KCNIP4: variants seen among roughly 807,000 people sequenced by gnomAD.
KCNIP4 encodes the protein potassium voltage-gated channel interacting protein 4.
A neutral mutation model predicts 34.0 loss-of-function variants in KCNIP4; 12 were observed. The observed-to-expected ratio is 0.35, with a 90% confidence interval of 0.23 to 0.57. The LOEUF (loss-of-function observed/expected upper bound fraction) is 0.57. Ranked by LOEUF, KCNIP4 falls within the 20% of genes least tolerant of loss-of-function variation. The probability of loss-of-function intolerance (pLI) is 0.83; values close to 1 mark genes in which losing one functional copy is unlikely to be tolerated. For missense variants in KCNIP4, 238 were observed against 311.7 expected (o/e 0.76, Z 1.78); for synonymous variants, 124 against 102.2 (o/e 1.21, Z -1.29).
rs560506739 is a variant in KCNIP4, at chr4:21,650,914, G to C, written c.61+297657C>G. Among the ~76,000 whole-genome samples the C allele has an allele frequency of 9.9e-5, 15 of 152,170 alleles. No homozygotes were observed. The East Asian group carries it at 2.9e-3, about 29-fold the overall frequency. Reference sequence around the variant, plus strand: ...CTATTCTTTGCTGGTTGTCAGCATGGGGCCACTCAGCTCCTTGAGGCCACC... The same window carrying C: ...CTATTCTTTGCTGGTTGTCAGCATGCGGCCACTCAGCTCCTTGAGGCCACC... On this transcript the variant is annotated intron_variant, in intron 1 of 8. Transcript: ENST00000382152.
At chr4:21,311,805 G>A (rs2109275369) in intron 1 of KCNIP4, among the ~76,000 whole-genome samples, 1 of 152,190 alleles carries the variant, frequency 6.6e-6, no homozygotes, top group East Asian at 1.9e-4. Context: ...GATGCAGTGA[G>A]GTGTTGGCAT....
At chr4:21,427,892 T>C (rs1216430459) in intron 1 of KCNIP4, among the ~76,000 whole-genome samples, 1 of 152,184 alleles carries the variant, frequency 6.6e-6, no homozygotes, top group Non-Finnish European at 1.5e-5. Context: ...AATAAAGGCA[T>C]ACCAGCTATA....
chr4:20,929,586 A>C (rs974138753), intron 1 of KCNIP4, among the ~76,000 whole-genome samples: 3 of 151,898 alleles, frequency 2.0e-5, no homozygotes, highest in African/African-American at 7.2e-5. Context: ...AGAAAGAAGA[A>C]AAAGTAAAAT....
chr4:20,798,548 A>ACAC lies in KCNIP4; in HGVS notation c.289-39659_289-39658insGTG, dbSNP rs35228196. Among the ~76,000 whole-genome samples, 241 of 151,130 alleles carry ACAC rather than the reference A, an allele frequency of 1.6e-3. No homozygotes were observed. In the East Asian group the frequency reaches 0.022, roughly 14 times the overall value. ...ATACACACACACACACAGACACACA[A>ACAC]AAAAGCTATGAATAATCAAGTACTT... is the stretch of plus-strand genomic sequence containing the variant. On this transcript the variant is annotated intron_variant, in intron 3 of 8. Transcript: ENST00000382152.
chr4:20,848,921 T>C (rs543011088), intron 3 of KCNIP4, among the ~76,000 whole-genome samples: 41 of 152,296 alleles, frequency 2.7e-4, no homozygotes, highest in African/African-American at 9.9e-4. Context: ...AGCACTGACT[T>C]TTGGCCCAGA....
chr4:20,774,366 C>T (rs1026408195), intron 3 of KCNIP4, among the ~76,000 whole-genome samples: 1 of 152,072 alleles, frequency 6.6e-6, no homozygotes, highest in African/African-American at 2.4e-5. Context: ...TAGAATCTAA[C>T]AGCCCCTTCC....
In KCNIP4 at chr4:21,588,531, G is replaced by A. The variant is rs75578936; in HGVS notation, c.61+360040C>T. On this transcript the variant is annotated intron_variant, in intron 1 of 8. Coordinates refer to ENST00000382152, the MANE Select transcript of KCNIP4 (RefSeq NM_025221.6). ...AGGATTGTAACCCTAAGTGTCCCAC[G>A]CCCTACATCAGGAAATGAATTACCT... 1.4e-3 allele frequency among the ~76,000 whole-genome samples: 208 copies of A among 151,982 alleles called. 3 individuals are homozygous for A. The East Asian group carries it at 0.035, about 26-fold the overall frequency.
chr4:21,679,964 G>A (rs1244849630), intron 1 of KCNIP4, among the ~76,000 whole-genome samples: 2 of 152,202 alleles, frequency 1.3e-5, no homozygotes, highest in Admixed American at 1.3e-4. Context: ...GACTGATCAG[G>A]ACGGTGGCTG....
At chr4:21,510,078 CAAAAAAAAAAAAA>C (rs759477091) in intron 1 of KCNIP4, among the ~76,000 whole-genome samples, 1 of 65,222 alleles carries the variant, frequency 1.5e-5, no homozygotes, top group African/African-American at 6.1e-5. Flanking sequence ...ACTCCATCTC[CAAAAAAAAAAAAA>C]AAAAAAAAAG....
At chr4:21,940,986 G>C (rs191838792) in intron 1 of KCNIP4, among the ~76,000 whole-genome samples, 63 of 152,150 alleles carry the variant, frequency 4.1e-4, no homozygotes, top group Admixed American at 1.8e-3. Context: ...TTCATGGAGT[G>C]AATTACCATA....
At chr4:21,745,784 CAAAT>C (rs1195479993) in intron 1 of KCNIP4, among the ~76,000 whole-genome samples, 8 of 152,100 alleles carry the variant, frequency 5.3e-5, no homozygotes, top group South Asian at 2.1e-4. Flanking sequence ...ATTCAAAAGA[CAAAT>C]AACCACTTTG....
At chr4:21,664,778 T>C (rs1317692798) in intron 1 of KCNIP4, among the ~76,000 whole-genome samples, 2 of 152,186 alleles carry the variant, frequency 1.3e-5, no homozygotes, top group Non-Finnish European at 2.9e-5. Context: ...ATTTTTTAAA[T>C]GCCTATGGAC....
At chr4:21,766,358 A>T (rs1197006204) in intron 1 of KCNIP4, among the ~76,000 whole-genome samples, 1 of 152,138 alleles carries the variant, frequency 6.6e-6, no homozygotes, top group African/African-American at 2.4e-5. Context: ...AGGGTCAGAG[A>T]GTTCAAATAA....
intron 1 of KCNIP4, among the ~76,000 whole-genome samples, chr4:20,931,986 C>G (rs79183298): frequency 0.022 from 1,187 of 53,064 alleles, 21 homozygotes; most frequent in African/African-American, 0.086. Context: ...TAGTCTATAA[C>G]AGTCTAATAT....
At chr4:20,883,104 T>TA (rs978245998) in intron 1 of KCNIP4, among the ~76,000 whole-genome samples, 1 of 149,350 alleles carries the variant, frequency 6.7e-6, no homozygotes, top group Non-Finnish European at 1.5e-5. Context: ...AAACCAGCGC[T>TA]AAGGGCCCAC....
In KCNIP4 at chr4:20,875,950, G is replaced by T. The variant is rs138494422; in HGVS notation, c.163+6658C>A. ...ACCTGAAACACAGTTAGGAAATTAT[G>T]TTTTGCAGTTATGCAAGGCAATGTA... On this transcript the variant is annotated intron_variant, in intron 2 of 8. Transcript: ENST00000382152. Among the ~76,000 whole-genome samples the T allele has an allele frequency of 9.8e-5, 15 of 152,300 alleles. No homozygotes were observed. The East Asian group carries it at 1.9e-3, about 20-fold the overall frequency.
chr4:20,852,309 G>A (rs1326367613), intron 2 of KCNIP4, among the ~76,000 whole-genome samples: 1 of 152,138 alleles, frequency 6.6e-6, no homozygotes, highest in African/African-American at 2.4e-5. Context: ...CAGGAATGCA[G>A]GGATGGTTTA....
At chr4:21,630,971 C>T (rs575351582) in intron 1 of KCNIP4, among the ~76,000 whole-genome samples, 2 of 152,320 alleles carry the variant, frequency 1.3e-5, no homozygotes, top group Admixed American at 1.3e-4. Flanking sequence ...TCACACGCCC[C>T]TTGCACCTTC....
At chr4:21,762,996 C>A (rs1305877129) in intron 1 of KCNIP4, 2 of 1,288,724 alleles carry the variant, frequency 1.6e-6, no homozygotes, top group African/African-American at 3.0e-5. Context: ...TTGTCAAGGA[C>A]AGCACTTGGT....
Sources: gnomAD v4.1 joint callset for allele counts (sites outside exome capture counted in the v4.1 genomes callset) on GRCh38, gnomAD v4.1.1 for gene constraint, MANE v1.5 for transcripts, NCBI Gene and HGNC (gene_info 2026-07-23, HGNC 2026-07-21) for gene names.